Variants in RAPGEF2 observed in about 807,000 individuals in gnomAD.
The protein encoded by RAPGEF2 is Rap guanine nucleotide exchange factor 2, also known as PDZ domain containing guanine nucleotide exchange factor (GEF) 1.
Under a neutral mutation model 186.7 loss-of-function variants are expected in RAPGEF2, and 54 were observed. The observed-to-expected ratio is 0.29, with a 90% CI of 0.23 to 0.36. The LOEUF (loss-of-function observed/expected upper bound fraction) is 0.36. Ranked by LOEUF, RAPGEF2 falls within the 10% of genes least tolerant of loss-of-function variation. The probability of loss-of-function intolerance (pLI) is 1.00; values close to 1 mark genes in which losing one functional copy is unlikely to be tolerated. For synonymous variants in RAPGEF2, 712 were observed against 705.9 expected, an observed-to-expected ratio of 1.01 and a Z score of -0.14; for missense variants, 1,532 against 2,045.0, an observed-to-expected ratio of 0.75 and a Z score of 4.84.
At chr4:159,322,246 T>C (rs1281041330) in intron 9 of RAPGEF2, 101 bp from the exon 10 acceptor site, 37 of 1,084,382 alleles carry the variant, frequency 3.4e-5, no homozygotes, top group Non-Finnish European at 4.1e-5. Flanking sequence ...ATAAGCAAAA[T>C]TGTAGGGCAT....
intron 4 of RAPGEF2, among the ~76,000 whole-genome samples, chr4:159,225,489 T>C (rs985873483): frequency 6.6e-6 from 1 of 152,204 alleles, no homozygotes; most frequent in Non-Finnish European, 1.5e-5. Flanking sequence ...CTTAATGTCT[T>C]GGAAAGGTAC....
At chr4:159,150,889 CCTT>C (rs543915130) in intron 1 of RAPGEF2, among the ~76,000 whole-genome samples, 2 of 152,188 alleles carry the variant, frequency 1.3e-5, no homozygotes, top group Non-Finnish European at 2.9e-5. Context: ...TGACTGCCCT[CCTT>C]CTCTGCTTTG....
At chr4:159,189,022 A>G (rs949671638) in intron 2 of RAPGEF2, among the ~76,000 whole-genome samples, 7 of 115,662 alleles carry the variant, frequency 6.1e-5, no homozygotes, top group African/African-American at 3.2e-4. Context: ...GGTACAGATA[A>G]ACCCAACAAC....
rs957963994 is a variant in RAPGEF2 at position 159,201,841 on chromosome 4, C to T, written c.197+8585C>T. On this transcript the variant is annotated intron_variant, in intron 3 of 29. Coordinates refer to ENST00000691494, the MANE Select transcript of RAPGEF2 (RefSeq NM_001394067.2). The stretch of plus-strand genomic sequence containing the variant: ...GGCCCTCTGGAGTTCCTTGTGGTCC[C>T]CATGTAGTTATTGGAACCTTTGTTA... Among the ~76,000 whole-genome samples the T allele has an allele frequency of 4.6e-5, 7 of 152,042 alleles. No homozygotes were observed. The East Asian group carries it at 1.2e-3, about 25-fold the overall frequency.
At chr4:159,274,133 T>G (rs1434496831) in intron 7 of RAPGEF2, among the ~76,000 whole-genome samples, 1 of 152,238 alleles carries the variant, frequency 6.6e-6, no homozygotes, top group Non-Finnish European at 1.5e-5. Context: ...GACCAAACTC[T>G]TAATTTATTC....
At chr4:159,254,899 C>T (rs1755958705) in intron 7 of RAPGEF2, among the ~76,000 whole-genome samples, 1 of 152,226 alleles carries the variant, frequency 6.6e-6, no homozygotes, top group Non-Finnish European at 1.5e-5. Flanking sequence ...CCATGCCCCA[C>T]CAGCATGAGA....
At chr4:159,176,840 C>T (rs1327258400) in intron 1 of RAPGEF2, among the ~76,000 whole-genome samples, 1 of 152,120 alleles carries the variant, frequency 6.6e-6, no homozygotes, top group Non-Finnish European at 1.5e-5. Flanking sequence ...TAATGGAATG[C>T]ATGCAGAATT....
intron 1 of RAPGEF2, among the ~76,000 whole-genome samples, chr4:159,170,594 G>A (rs1000317421): frequency 1.3e-5 from 2 of 152,130 alleles, no homozygotes; most frequent in East Asian, 3.8e-4. Flanking sequence ...CCTCGGGGGC[G>A]GGTTCTGGAA....
intron 9 of RAPGEF2, among the ~76,000 whole-genome samples, chr4:159,321,297 C>T (rs1376429586): frequency 1.3e-5 from 2 of 151,288 alleles, no homozygotes; most frequent in Admixed American, 6.6e-5. Context: ...ACCTCAAACT[C>T]TTGGGCTCAA....
chr4:159,271,143 A>G (rs991846137), intron 7 of RAPGEF2, among the ~76,000 whole-genome samples: 1 of 152,126 alleles, frequency 6.6e-6, no homozygotes, highest in African/African-American at 2.4e-5. Flanking sequence ...CAATTTACCA[A>G]CTGTTGTGTT....
intron 3 of RAPGEF2, among the ~76,000 whole-genome samples, chr4:159,199,718 T>C (rs1157250248): frequency 6.6e-6 from 1 of 152,228 alleles, no homozygotes; most frequent in African/African-American, 2.4e-5. Context: ...TCAGGTGTTT[T>C]GCAGTATTGT....
chr4:159,105,011 A>T (rs1326751289), intron 1 of RAPGEF2, among the ~76,000 whole-genome samples: 1 of 152,170 alleles, frequency 6.6e-6, no homozygotes. Flanking sequence ...TCAAAATTAG[A>T]TAAGTTTGTT....
chr4:159,125,547 A>G (rs1194708015), intron 1 of RAPGEF2, among the ~76,000 whole-genome samples: 1 of 152,130 alleles, frequency 6.6e-6, no homozygotes, highest in African/African-American at 2.4e-5. Flanking sequence ...ACATGAGGTC[A>G]GGAGATTGAG....
chr4:159,173,499 T>A (rs534539790), intron 1 of RAPGEF2, among the ~76,000 whole-genome samples: 2 of 152,174 alleles, frequency 1.3e-5, no homozygotes, highest in South Asian at 4.1e-4. Context: ...TTCAGTGGAA[T>A]GATGTATAGC....
At chr4:159,316,945 A>G (rs929772571) in intron 9 of RAPGEF2, among the ~76,000 whole-genome samples, 1 of 152,170 alleles carries the variant, frequency 6.6e-6, no homozygotes, top group Non-Finnish European at 1.5e-5. Context: ...TCATCCTTCC[A>G]CGAGATTTCC....
chr4:159,317,318 A>G (rs1764722394), intron 9 of RAPGEF2, among the ~76,000 whole-genome samples: 1 of 152,220 alleles, frequency 6.6e-6, no homozygotes, highest in Non-Finnish European at 1.5e-5. Flanking sequence ...CCTTCTATGT[A>G]CCAAGCAGTT....
chr4:159,144,735 G>A (rs1268976097), intron 1 of RAPGEF2, among the ~76,000 whole-genome samples: 1 of 152,124 alleles, frequency 6.6e-6, no homozygotes, highest in South Asian at 2.1e-4. Context: ...CATTGCTGTT[G>A]CAAGAAGCTG....
chr4:159,115,563 T>C (rs1738954468), intron 1 of RAPGEF2, among the ~76,000 whole-genome samples: 1 of 152,196 alleles, frequency 6.6e-6, no homozygotes, highest in Admixed American at 6.5e-5. Flanking sequence ...ATTTTTTTTT[T>C]TTCCTCTAAG....
intron 7 of RAPGEF2, among the ~76,000 whole-genome samples, chr4:159,286,441 T>C (rs183192318): frequency 2.3e-4 from 35 of 152,300 alleles, no homozygotes; most frequent in Middle Eastern, 6.8e-3. Flanking sequence ...TTCTGCATGC[T>C]ATTCTTCACA....
Sources: allele counts gnomAD v4.1 joint callset (sites outside exome capture counted in the v4.1 genomes callset), GRCh38; gene constraint gnomAD v4.1.1; transcripts MANE v1.5; gene names NCBI Gene and HGNC (gene_info 2026-07-23, HGNC 2026-07-21).